The following PCCA variants were observed in gnomAD, a reference collection of about 807,000 sequenced individuals.
PCCA encodes the protein propionyl-CoA carboxylase subunit alpha.
PCCA carries 74 observed loss-of-function variants against 101.3 expected under a neutral mutation model. The ratio of observed to expected loss-of-function variants is 0.73; its 90% CI spans 0.61 to 0.89. The LOEUF (loss-of-function observed/expected upper bound fraction) is 0.89. PCCA is among the 40% of genes least tolerant of loss of function. The probability of loss-of-function intolerance (pLI) is 0.00; values close to 1 mark genes in which losing one functional copy is unlikely to be tolerated. For synonymous variants in PCCA, 294 were observed against 313.6 expected (o/e 0.94, Z 0.66); for missense variants, 891 against 907.0 (o/e 0.98, Z 0.23).
intron 12 of PCCA, among the ~76,000 whole-genome samples, chr13:100,279,194 A>G (rs1004189238): frequency 3.8e-4 from 58 of 152,220 alleles, no homozygotes; most frequent in African/African-American, 1.3e-3. Context: ...TGCTATTTTA[A>G]TAGCATTCTA....
At chr13:100,099,538 C>T (rs575700047) in intron 1 of PCCA, among the ~76,000 whole-genome samples, 70 of 152,104 alleles carry the variant, frequency 4.6e-4, no homozygotes, top group Non-Finnish European at 6.9e-4. Flanking sequence ...AGGATGGTCT[C>T]AATCTCCTGA....
At chr13:100,283,475 C>G (rs991981652) in intron 12 of PCCA, among the ~76,000 whole-genome samples, 2 of 152,180 alleles carry the variant, frequency 1.3e-5, no homozygotes, top group African/African-American at 4.8e-5. Context: ...TTCTGCCTTC[C>G]TCGAGCGGCT....
chr13:100,348,727 C>CTTTCTTT, intron 18 of PCCA, among the ~76,000 whole-genome samples: 1 of 99,620 alleles, frequency 1.0e-5, no homozygotes, highest in Admixed American at 1.0e-4. Flanking sequence ...CGTTTTTTTT[C>CTTTCTTT]CTTTCTTTCT....
intron 6 of PCCA, among the ~76,000 whole-genome samples, chr13:100,191,213 G>A (rs1343810486): frequency 3.3e-5 from 5 of 152,224 alleles, no homozygotes; most frequent in Non-Finnish European, 5.9e-5. Flanking sequence ...ACTATTTCAA[G>A]CTGTTGGAAG....
intron 21 of PCCA, among the ~76,000 whole-genome samples, chr13:100,494,950 C>G (rs2085171245): frequency 6.6e-6 from 1 of 152,164 alleles, no homozygotes; most frequent in Non-Finnish European, 1.5e-5. Context: ...TTAGTTCTCC[C>G]TCTGAAATTC....
At chr13:100,132,594 A>G (rs1035563193) in intron 4 of PCCA, among the ~76,000 whole-genome samples, 5 of 152,086 alleles carry the variant, frequency 3.3e-5, no homozygotes, top group African/African-American at 1.2e-4. Flanking sequence ...CCAGCTTTTG[A>G]CAATTATGAA....
At chr13:100,203,315 A>G (rs573125149) in intron 6 of PCCA, among the ~76,000 whole-genome samples, 2 of 150,748 alleles carry the variant, frequency 1.3e-5, no homozygotes, top group East Asian at 3.9e-4. Context: ...GTTTTGATCT[A>G]TTGTATTGGT....
intron 17 of PCCA, among the ~76,000 whole-genome samples, chr13:100,336,903 G>A (rs766875578): frequency 7.2e-5 from 11 of 152,166 alleles, no homozygotes; most frequent in Non-Finnish European, 1.2e-4. Context: ...CCTCTGAAGA[G>A]TGCTTGAGGC....
chr13:100,406,136 C>G (rs1461738149), intron 19 of PCCA, among the ~76,000 whole-genome samples: 1 of 152,106 alleles, frequency 6.6e-6, no homozygotes, highest in Non-Finnish European at 1.5e-5. Flanking sequence ...GGGTATGAGG[C>G]CATTTTCCCC....
intron 11 of PCCA, among the ~76,000 whole-genome samples, chr13:100,270,799 A>G (rs1030496818): frequency 6.6e-6 from 1 of 152,094 alleles, no homozygotes; most frequent in African/African-American, 2.4e-5. Flanking sequence ...GCTTGAGCCT[A>G]AGAGTTTGAG....
chr13:100,503,047 C>A (rs1236102262), intron 21 of PCCA, among the ~76,000 whole-genome samples: 1 of 152,148 alleles, frequency 6.6e-6, no homozygotes, highest in African/African-American at 2.4e-5. Flanking sequence ...GAGAGACTGG[C>A]AGGGCCAGTG....
intron 11 of PCCA, among the ~76,000 whole-genome samples, chr13:100,269,956 T>TG (rs1190853013): frequency 6.6e-6 from 1 of 152,196 alleles, no homozygotes; most frequent in East Asian, 1.9e-4. Context: ...CTGTGAAGGC[T>TG]TGACCCGTAG....
chr13:100,103,088 C>T (rs1460754141), intron 2 of PCCA, 128 bp downstream of exon 2: 3 of 687,346 alleles, frequency 4.4e-6, no homozygotes, highest in East Asian at 5.4e-5. Context: ...ATCACTCTAG[C>T]ATTGTGTGTT....
chr13:100,267,902 T>C (rs2063051974), intron 10 of PCCA, among the ~76,000 whole-genome samples: 2 of 152,224 alleles, frequency 1.3e-5, no homozygotes, highest in Admixed American at 6.5e-5. Flanking sequence ...GTATTTTATC[T>C]GGCAATCTCA....
intron 6 of PCCA, among the ~76,000 whole-genome samples, chr13:100,175,180 T>A (rs1018711075): frequency 2.0e-5 from 3 of 152,218 alleles, no homozygotes; most frequent in African/African-American, 7.2e-5. Flanking sequence ...TGTTCAGTCT[T>A]GTCAAGTCCC....
At chr13:100,121,748 A>G (rs956559753) in intron 4 of PCCA, among the ~76,000 whole-genome samples, 2 of 152,174 alleles carry the variant, frequency 1.3e-5, no homozygotes, top group African/African-American at 4.8e-5. Flanking sequence ...TGCTGGGATT[A>G]CAGGCATGAG....
chr13:100,357,659 G>A (rs547045390), intron 18 of PCCA, among the ~76,000 whole-genome samples: 6 of 152,260 alleles, frequency 3.9e-5, no homozygotes, highest in South Asian at 2.1e-4. Context: ...GAAGGCTGTC[G>A]ATGTACAACC....
intron 7 of PCCA, 78 bp from the exon 8 acceptor site, chr13:100,235,764 T>C (rs2060761368): frequency 1.1e-6 from 1 of 885,118 alleles, no homozygotes. Flanking sequence ...GAGACAGTAG[T>C]GCAATATATG....
Position 100,110,112 on chromosome 13 carries a change from G to T in PCCA, c.184-1729G>T, listed in dbSNP as rs111291041. ...CGTACCACTGCACTCCAGCCTGGGC[G>T]ACAGAGTGAGACTCCATCTCAAAAA... is the stretch of plus-strand genomic sequence containing the variant. On this transcript the variant is annotated intron_variant, in intron 2 of 23. Coordinates refer to ENST00000376285, the MANE Select transcript of PCCA (RefSeq NM_000282.4). Among the ~76,000 whole-genome samples the T allele has an allele frequency of 9.8e-3, 1,487 of 152,160 alleles. 26 individuals are homozygous for T. Among genetic ancestry groups the T allele is most frequent in the African/African-American group, 0.025 (1,057 of 41,500 alleles).
Sources: allele counts gnomAD v4.1 joint callset (sites outside exome capture counted in the v4.1 genomes callset), GRCh38; gene constraint gnomAD v4.1.1; transcripts MANE v1.5; gene names NCBI Gene and HGNC (gene_info 2026-07-23, HGNC 2026-07-21).